Variants in TRPM8 observed in about 807,000 individuals in gnomAD.
The protein encoded by TRPM8 is TRPM8 cationic channel.
In TRPM8, 110 loss-of-function variants were observed where a neutral mutation model predicts 133.7. The ratio of observed to expected loss-of-function variants is 0.82; its 90% CI spans 0.70 to 0.96. The LOEUF is 0.96. Among genes scored for constraint, TRPM8 ranks in the 40% least tolerant of loss-of-function variants. The pLI is 0.00. For synonymous variants in TRPM8, 535 were observed against 532.3 expected (o/e 1.01, Z -0.07); for missense variants, 1,291 against 1,379.5 (o/e 0.94, Z 1.02).
rs1163737866 is a variant in TRPM8 at position 233,989,481 on chromosome 2, T to C, written c.2939+3616T>C. The stretch of plus-strand genomic sequence containing the variant: ...CAGAGGCCTTTTCCTGGCTAATACC[T>C]GTCTGGGGACACCAGAACAGCGAGA... On this transcript the variant is annotated intron_variant, in intron 21 of 25. Transcript: ENST00000324695. This position sits in a 1 kb window ranked among gnomAD's most constrained non-coding sequence, Gnocchi z 4.2. Among the ~76,000 whole-genome samples, 1 of 152,228 alleles carries C rather than the reference T, an allele frequency of 6.6e-6. No individual in the cohort carries two copies. The highest frequency in any genetic ancestry group is 1.5e-5 in the Non-Finnish European group (1 of 68,042).
intron 2 of TRPM8, among the ~76,000 whole-genome samples, chr2:233,927,082 C>G: frequency 6.6e-6 from 1 of 152,190 alleles, no homozygotes; most frequent in Non-Finnish European, 1.5e-5. Flanking sequence ...GCTGAGTTCC[C>G]TCCTGCAGGT....
At chr2:233,925,245 C>T (rs560733749) in intron 1 of TRPM8, among the ~76,000 whole-genome samples, 165 of 152,368 alleles carry the variant, frequency 1.1e-3, no homozygotes, top group African/African-American at 3.7e-3. Flanking sequence ...ATATGCAGAT[C>T]TCCTTTATGC....
intron 17 of TRPM8, among the ~76,000 whole-genome samples, chr2:233,976,239 T>C (rs1691870210): frequency 6.6e-6 from 1 of 152,180 alleles, no homozygotes; most frequent in African/African-American, 2.4e-5. Context: ...GGGCGAGTCT[T>C]ACACTTACTG....
In TRPM8 at chr2:233,985,788, G is replaced by A; in HGVS notation, c.2862G>A (p.Trp954Ter). The change falls in exon 21 of 26, where the codon TGG (tryptophan) becomes TGA (stop). Residue 954 changes from tryptophan (W) to a stop codon, truncating the protein, a stop_gained. Transcript: ENST00000324695. LOFTEE classifies it high-confidence loss of function. ...ACAACCTGCCCCGGTTCCCCGAGTG[G>A]ATCACCATCCCCCTGGTGTGCATCT... is the stretch of plus-strand genomic sequence containing the variant. ...DEHNLPRFPEWITIPLVCIYM... is the reference protein window; with the variant it reads ...DEHNLPRFPE 1 of 1,614,170 alleles carries A rather than the reference G, an allele frequency of 6.2e-7. No homozygotes were observed. Among genetic ancestry groups the A allele is most frequent in the Non-Finnish European group, 8.5e-7 (1 of 1,180,030 alleles).
intron 5 of TRPM8, among the ~76,000 whole-genome samples, chr2:233,942,370 G>T (rs977403587): frequency 3.3e-5 from 5 of 152,176 alleles, no homozygotes; most frequent in African/African-American, 1.2e-4. Context: ...GAGCCACTGC[G>T]CCTGGCCAAG....
chr2:233,927,770 CTT>C (rs1263963461), intron 2 of TRPM8, among the ~76,000 whole-genome samples: 1 of 65,508 alleles, frequency 1.5e-5, no homozygotes, highest in Admixed American at 1.6e-4. Context: ...TTCTTTCTTT[CTT>C]TCTTTCTTTC....
At chr2:233,986,830 C>T (rs1692158420) in intron 21 of TRPM8, among the ~76,000 whole-genome samples, 1 of 152,026 alleles carries the variant, frequency 6.6e-6, no homozygotes, top group South Asian at 2.1e-4. Context: ...ATAAATAATT[C>T]AGAGAAAGAA....
At chr2:233,999,258 C>A (rs940728593) in intron 22 of TRPM8, among the ~76,000 whole-genome samples, 1 of 152,072 alleles carries the variant, frequency 6.6e-6, no homozygotes, top group Non-Finnish European at 1.5e-5. Flanking sequence ...GACATCCACA[C>A]GCATTCTCAC....
chr2:233,950,100 CG>C lies in TRPM8; in HGVS notation c.1096del (p.Val366CysfsTer26), dbSNP rs1412516122. On this transcript the variant is annotated frameshift_variant, in exon 9 of 26. Coordinates refer to ENST00000324695, the MANE Select transcript of TRPM8 (RefSeq NM_024080.5). LOFTEE classifies it high-confidence loss of function. ...AAGCTGGTGCGCTTTTTACCCCGCACGGTGTCCCGGCTGCCTGAGGAGGAGA... is the reference window on the plus strand; with the variant it reads ...AAGCTGGTGCGCTTTTTACCCCGCACGTGTCCCGGCTGCCTGAGGAGGAGA... ...KEKLVRFLPR[T>X]VSRLPEEETE... 9 of 1,613,492 alleles carry C rather than the reference CG, an allele frequency of 5.6e-6. No individual in the cohort carries two copies. The highest frequency in any genetic ancestry group is 4.4e-5 in the South Asian group (4 of 91,048).
intron 22 of TRPM8, among the ~76,000 whole-genome samples, chr2:234,000,101 T>G (rs933795608): frequency 8.7e-5 from 13 of 150,200 alleles, no homozygotes; most frequent in African/African-American, 3.0e-4. Context: ...ATTTATTTAT[T>G]TATTTATTTA....
intron 17 of TRPM8, among the ~76,000 whole-genome samples, chr2:233,971,871 G>A (rs1041729141): frequency 8.0e-5 from 12 of 149,932 alleles, no homozygotes; most frequent in Admixed American, 4.0e-4. Context: ...CTGCTGGCTC[G>A]CGCAGCCTGC....
chr2:233,940,713 C>G (rs889841302), intron 5 of TRPM8, among the ~76,000 whole-genome samples: 4 of 152,134 alleles, frequency 2.6e-5, no homozygotes, highest in Admixed American at 2.0e-4. Context: ...ACCCGCTGTA[C>G]GTGCATGCAG....
In TRPM8 at chr2:233,960,777, C is replaced by G. The variant is rs1159158616; in HGVS notation, c.1364C>G (p.Ser455Cys). The change falls in exon 12 of 26, where the codon TCT becomes TGT. Residue 455 changes from serine (S) to cysteine (C), a missense_variant and splice_region_variant. Physicochemically the swap from Ser to Cys is moderately radical, Grantham distance 112. Around this residue, in one of 2 missense-constraint regions of TRPM8, gnomAD observed 963 missense variants for 968.9 expected, o/e 0.99. Coordinates refer to ENST00000324695, the MANE Select transcript of TRPM8 (RefSeq NM_024080.5). ...ACTGTCTCTGTTCTTTCTCCTTAGT[C>G]TGCTGACCTTCAAGAAGTCATGTTT... Reference protein sequence around the residue: ...EIFTNDRRWESADLQEVMFTA... With the variant: ...EIFTNDRRWECADLQEVMFTA... 1.2e-6 allele frequency: 2 copies of G among 1,613,386 alleles called. No individual in the cohort carries two copies. Among genetic ancestry groups the G allele is most frequent in the African/African-American group, 2.7e-5 (2 of 74,878 alleles).
Position 233,996,348 on chromosome 2 carries a change from G to A in TRPM8, c.2962G>A (p.Glu988Lys), listed in dbSNP as rs542821173. The A allele has an allele frequency of 3.7e-6, 6 of 1,614,128 alleles. No individual in the cohort carries two copies. The South Asian group carries it at 5.5e-5, about 15-fold the overall frequency. The change falls in exon 22 of 26, where the codon GAG becomes AAG. Residue 988 changes from glutamate to lysine, a missense_variant. By Grantham distance (56) the Glu-to-Lys change is moderately conservative. Around this residue, in one of 2 missense-constraint regions of TRPM8, gnomAD observed 328 missense variants for 410.6 expected, o/e 0.80. Coordinates refer to ENST00000324695, the MANE Select transcript of TRPM8 (RefSeq NM_024080.5). ...MFGYTVGTVQ[E>K]NNDQVWKFQR... The stretch of plus-strand genomic sequence containing the variant: ...CAGCTACACGGTGGGCACCGTCCAG[G>A]AGAACAATGACCAGGTCTGGAAGTT...
intron 3 of TRPM8, among the ~76,000 whole-genome samples, chr2:233,933,325 C>T (rs28902476): frequency 0.05 from 7,552 of 152,158 alleles, 623 homozygotes; most frequent in African/African-American, 0.17. Context: ...GCTAGGACAA[C>T]GAAGGAATGT....
intron 16 of TRPM8, 28 bp from the exon 17 acceptor site, chr2:233,970,182 C>T (rs1187512884): frequency 1.9e-6 from 3 of 1,602,686 alleles, no homozygotes; most frequent in Non-Finnish European, 2.6e-6. Flanking sequence ...TGCAAGGATG[C>T]TGACGATGCC....
intron 20 of TRPM8, among the ~76,000 whole-genome samples, chr2:233,984,629 G>A (rs56107861): frequency 0.049 from 7,462 of 151,946 alleles, 554 homozygotes; most frequent in African/African-American, 0.16. Context: ...CATCCTCGTC[G>A]CTTGCCTGCC....
At chr2:233,955,096 C>T (rs767756376) in intron 10 of TRPM8, 36 bp from the exon 11 acceptor site, 1 of 1,512,808 alleles carries the variant, frequency 6.6e-7, no homozygotes, top group Non-Finnish European at 9.2e-7. Flanking sequence ...ATTTCTGAGC[C>T]TTTGGTGAGT....
intron 5 of TRPM8, among the ~76,000 whole-genome samples, chr2:233,941,971 C>T (rs1690914512): frequency 6.6e-6 from 1 of 152,060 alleles, no homozygotes; most frequent in South Asian, 2.1e-4. Context: ...CATTCATTGT[C>T]CATAAGAGTC....
Sources: gnomAD v4.1 joint callset for allele counts (sites outside exome capture counted in the v4.1 genomes callset) on GRCh38, gnomAD v4.1.1 for gene constraint, gnomAD v4.1.1 regional missense constraint, Gnocchi (gnomAD v3.1) non-coding constraint, MANE v1.5 for transcripts, NCBI Gene and HGNC (gene_info 2026-07-23, HGNC 2026-07-21) for gene names.